The following PPP1R7 variants were observed in gnomAD, a reference collection of about 807,000 sequenced individuals.
PPP1R7 encodes protein phosphatase 1 regulatory subunit 22.
In PPP1R7, 18 loss-of-function variants were observed where a neutral mutation model predicts 45.2. The ratio of observed to expected loss-of-function variants is 0.40; its 90% CI spans 0.28 to 0.59. The LOEUF (loss-of-function observed/expected upper bound fraction) is 0.59, where lower values mean the gene tolerates loss of function less well. Ranked by LOEUF, PPP1R7 falls within the 20% of genes least tolerant of loss-of-function variation. The pLI, the probability that PPP1R7 is intolerant of heterozygous loss-of-function variation, is 0.46. For missense variants in PPP1R7, 314 were observed against 455.8 expected, an observed-to-expected ratio of 0.69 and a Z score of 2.83; for synonymous variants, 181 against 183.4, an observed-to-expected ratio of 0.99 and a Z score of 0.11.
intron 9 of PPP1R7, among the ~76,000 whole-genome samples, chr2:241,170,535 G>A (rs962394316): frequency 2.6e-5 from 4 of 152,218 alleles, no homozygotes; most frequent in South Asian, 2.1e-4. Flanking sequence ...CCGCTAGCAC[G>A]TGGCCCTGCA....
At position 241,182,690 on chromosome 2, in the gene PPP1R7, T is replaced by A. The variant is rs1047288; in HGVS notation, c.950T>A (p.Leu317Gln). The A allele has an allele frequency of 6.2e-7, 1 of 1,614,152 alleles. No individual in the cohort carries two copies. The highest frequency in any genetic ancestry group is 8.5e-7 in the Non-Finnish European group (1 of 1,180,030). ...GAGAGCTGGAGCGACCTCGACGAGCTGAAGGGAGCCAGGAGCCTGGAGACA... is the reference window on the plus strand; with the variant it reads ...GAGAGCTGGAGCGACCTCGACGAGCAGAAGGGAGCCAGGAGCCTGGAGACA... ...LLESWSDLDE[L>Q]KGARSLETVY... Residue 317 changes from leucine to glutamine, a missense_variant, in exon 10 of 10, where the codon CTG becomes CAG. This residue lies in a region of PPP1R7 where 168 missense variants were observed against 285.3 expected (regional missense o/e 0.59). Coordinates refer to ENST00000234038, the MANE Select transcript of PPP1R7 (RefSeq NM_002712.3).
At chr2:241,167,648 A>G (rs1045653053) in intron 8 of PPP1R7, among the ~76,000 whole-genome samples, 1 of 152,262 alleles carries the variant, frequency 6.6e-6, no homozygotes, top group African/African-American at 2.4e-5. Flanking sequence ...AGCCAGTCCC[A>G]GGAAAACTGG....
chr2:241,155,917 TTTAA>T (rs1422152474), intron 2 of PPP1R7, among the ~76,000 whole-genome samples: 3 of 152,256 alleles, frequency 2.0e-5, no homozygotes, highest in South Asian at 4.1e-4. Flanking sequence ...GTTCCTTTTA[TTTAA>T]TTCTTAGGTT....
chr2:241,162,838 A>C (rs2067624869), intron 6 of PPP1R7, among the ~76,000 whole-genome samples: 1 of 151,978 alleles, frequency 6.6e-6, no homozygotes, highest in East Asian at 1.9e-4. Context: ...ACCCGCCGCC[A>C]CGCCCAGCTA....
In PPP1R7 at chr2:241,159,215, T is replaced by A. The variant is rs562683517; in HGVS notation, c.306T>A (p.Thr102=). ...EGFEVLKKVK[T]LCLRQNLIKC... The stretch of plus-strand genomic sequence containing the variant: ...TTGTCCCTTTTCCCATCCCCCAGAC[T>A]CTCTGCCTCCGCCAAAATTTAATTA... Residue 102 remains threonine (T), a splice_region_variant and synonymous_variant, in exon 5 of 10, where the codon ACT becomes ACA. Transcript: ENST00000234038. 1 of 1,613,168 alleles carries A rather than the reference T, an allele frequency of 6.2e-7. No individual in the cohort carries two copies. Among genetic ancestry groups the A allele is most frequent in the African/African-American group, 1.3e-5 (1 of 75,004 alleles).
At chr2:241,167,374 G>C (rs1483132965) in intron 8 of PPP1R7, among the ~76,000 whole-genome samples, 1 of 152,176 alleles carries the variant, frequency 6.6e-6, no homozygotes, top group African/African-American at 2.4e-5. Context: ...ACCTTCCTTT[G>C]ACTTTGCATT....
chr2:241,163,887 T>G (rs2067650063), intron 7 of PPP1R7, among the ~76,000 whole-genome samples: 1 of 152,048 alleles, frequency 6.6e-6, no homozygotes, highest in Non-Finnish European at 1.5e-5. Context: ...AATGCTGGGT[T>G]TACAAGCATG....
At chr2:241,151,197 T>C (rs758979941) in intron 1 of PPP1R7, among the ~76,000 whole-genome samples, 1 of 152,278 alleles carries the variant, frequency 6.6e-6, no homozygotes, top group African/African-American at 2.4e-5. Context: ...TACAGTCATA[T>C]ACGTGCACGT....
Position 241,163,290 on chromosome 2 carries a change from C to T in PPP1R7, c.603C>T (p.Ile201=), listed in dbSNP as rs545930743. The T allele has an allele frequency of 2.4e-5, 39 of 1,609,206 alleles. No homozygotes were observed. Among genetic ancestry groups the T allele is most frequent in the East Asian group, 4.5e-5 (2 of 44,830 alleles). ...LELGSNRIRA[I]ENIDTLTNLE... ...CTGTTCTGTCCTTTCCACAGGCAATCGAAAATATCGACACCTTAACCAACC... is the reference window on the plus strand; with the variant it reads ...CTGTTCTGTCCTTTCCACAGGCAATTGAAAATATCGACACCTTAACCAACC... Residue 201 remains isoleucine, a synonymous_variant, in exon 7 of 10, where the codon ATC becomes ATT. Transcript: ENST00000234038.
At chr2:241,155,071 G>A (rs1444091692) in intron 2 of PPP1R7, 1 of 152,220 alleles carries the variant, frequency 6.6e-6, no homozygotes, top group Non-Finnish European at 1.5e-5. Flanking sequence ...GTGCATGGGA[G>A]TGATAGATGG....
At chr2:241,161,715 G>T (rs549469510) in intron 6 of PPP1R7, among the ~76,000 whole-genome samples, 3 of 152,244 alleles carry the variant, frequency 2.0e-5, no homozygotes, top group Non-Finnish European at 4.4e-5. Flanking sequence ...ACCGTCATGT[G>T]CTGGAGGGGA....
intron 3 of PPP1R7, 146 bp downstream of exon 3, chr2:241,158,008 TACC>T (rs2067498610): frequency 2.5e-6 from 2 of 787,330 alleles, no homozygotes; most frequent in Admixed American, 5.0e-5. Context: ...ATGTTTTTCT[TACC>T]AGTGATTGTT....
At chr2:241,180,887 CA>C (rs1272928352) in intron 9 of PPP1R7, among the ~76,000 whole-genome samples, 3 of 152,026 alleles carry the variant, frequency 2.0e-5, no homozygotes, top group Admixed American at 2.0e-4. Flanking sequence ...ACTAGTCCCA[CA>C]AAAGGTTCTG....
rs1277971525 is a variant in PPP1R7, at chr2:241,182,756, AC to A, written c.1018del (p.Arg340GlyfsTer112). On this transcript the variant is annotated frameshift_variant, in exon 10 of 10. Coordinates refer to ENST00000234038, the MANE Select transcript of PPP1R7 (RefSeq NM_002712.3). LOFTEE classifies it high-confidence loss of function. The part of the protein sequence containing the change: ...ERNPLQKDPQ[Y>X]RRKVMLALPS... ...AACCCCTTGCAGAAGGACCCCCAGT[AC>A]CGGCGGAAGGTCATGCTCGCCCTCC... 6.2e-7 allele frequency: 1 copy of A among 1,614,194 alleles called. No homozygotes were observed. The highest frequency in any genetic ancestry group is 8.5e-7 in the Non-Finnish European group (1 of 1,180,034).
upstream of PPP1R7, chr2:241,150,042 G>A: frequency 7.3e-7 from 1 of 1,370,430 alleles, no homozygotes; most frequent in Non-Finnish European, 9.4e-7. Context: ...AGCGAGGCTC[G>A]CAGAGGTCAG....
chr2:241,160,764 A>G (rs1465786115), intron 6 of PPP1R7, among the ~76,000 whole-genome samples: 1 of 152,264 alleles, frequency 6.6e-6, no homozygotes, highest in African/African-American at 2.4e-5. Context: ...CACTGTTCCC[A>G]GTTACATTCT....
chr2:241,179,272 G>C (rs917680036), intron 9 of PPP1R7, among the ~76,000 whole-genome samples: 4 of 152,142 alleles, frequency 2.6e-5, no homozygotes, highest in Non-Finnish European at 5.9e-5. Context: ...CAGAGAACTC[G>C]CTAATTGCAA....
At chr2:241,168,001 T>C (rs1271019148) in intron 8 of PPP1R7, among the ~76,000 whole-genome samples, 1 of 152,264 alleles carries the variant, frequency 6.6e-6, no homozygotes, top group Non-Finnish European at 1.5e-5. Context: ...TGTCTTGTTC[T>C]TCGTGTCTTC....
chr2:241,153,738 G>T, intron 2 of PPP1R7, 134 bp downstream of exon 2: 1 of 1,131,230 alleles, frequency 8.8e-7, no homozygotes, highest in South Asian at 1.6e-5. Context: ...GTCCTCAGTG[G>T]CCCAGGGCAG....
Sources: gnomAD v4.1 joint callset for allele counts (sites outside exome capture counted in the v4.1 genomes callset) on GRCh38, gnomAD v4.1.1 for gene constraint, gnomAD v4.1.1 regional missense constraint, MANE v1.5 for transcripts, NCBI Gene and HGNC (gene_info 2026-07-23, HGNC 2026-07-21) for gene names.